The following CDH9 variants were observed in gnomAD, a reference collection of about 807,000 sequenced individuals.
CDH9 encodes cadherin 9.
In CDH9, 28 loss-of-function variants were observed where a neutral mutation model predicts 70.9. The ratio of observed to expected loss-of-function variants is 0.40; its 90% CI spans 0.29 to 0.54. The LOEUF (loss-of-function observed/expected upper bound fraction) is 0.54, where lower values mean the gene tolerates loss of function less well. CDH9 is among the 20% of genes least tolerant of loss of function. The pLI, the probability that CDH9 is intolerant of heterozygous loss-of-function variation, is 0.59. For missense variants in CDH9, 874 were observed against 984.4 expected, an observed-to-expected ratio of 0.89 and a Z score of 1.50; for synonymous variants, 409 against 343.1, an observed-to-expected ratio of 1.19 and a Z score of -2.12.
intron 2 of CDH9, among the ~76,000 whole-genome samples, chr5:26,943,770 A>G (rs1032162941): frequency 1.3e-5 from 2 of 152,226 alleles, no homozygotes; most frequent in East Asian, 1.9e-4. Flanking sequence ...TACTTTCTAA[A>G]ACATATGCCT....
At chr5:26,915,439 T>C (rs1449210348) in intron 3 of CDH9, among the ~76,000 whole-genome samples, 191 bp downstream of exon 3, 1 of 151,988 alleles carries the variant, frequency 6.6e-6, no homozygotes, top group Non-Finnish European at 1.5e-5. Context: ...ATATTTTATA[T>C]AAATTACAAC....
At chr5:26,981,201 A>G (rs1387831788) in intron 2 of CDH9, among the ~76,000 whole-genome samples, 1 of 152,052 alleles carries the variant, frequency 6.6e-6, no homozygotes, top group Non-Finnish European at 1.5e-5. Context: ...ATAATACATA[A>G]TCATCCCTCG....
intron 7 of CDH9, among the ~76,000 whole-genome samples, chr5:26,894,489 C>A (rs1196135953): frequency 1.3e-5 from 2 of 151,996 alleles, no homozygotes; most frequent in Non-Finnish European, 2.9e-5. Context: ...CACTCACAGA[C>A]GATACAGAAA....
intron 2 of CDH9, among the ~76,000 whole-genome samples, chr5:26,917,377 A>G (rs966278197): frequency 7.2e-5 from 11 of 151,952 alleles, no homozygotes; most frequent in African/African-American, 2.7e-4. Context: ...GGTGACTATA[A>G]TAAATAATAA....
chr5:27,009,382 A>G (rs1029233379), intron 1 of CDH9, among the ~76,000 whole-genome samples: 2 of 152,294 alleles, frequency 1.3e-5, no homozygotes, highest in East Asian at 3.9e-4. Context: ...TAGTGTAAAC[A>G]CAATAAATGA....
chr5:26,970,979 T>C (rs1297931025), intron 2 of CDH9, among the ~76,000 whole-genome samples: 1 of 152,168 alleles, frequency 6.6e-6, no homozygotes. Flanking sequence ...GGGAAAAGAA[T>C]GTTAGCAGTA....
At chr5:26,897,891 T>C (rs1047617296) in intron 7 of CDH9, among the ~76,000 whole-genome samples, 1 of 152,160 alleles carries the variant, frequency 6.6e-6, no homozygotes, top group African/African-American at 2.4e-5. Context: ...TTGTGTCTGT[T>C]TGCAGATGAC....
chr5:26,982,160 A>C (rs980305650), intron 2 of CDH9, among the ~76,000 whole-genome samples: 1 of 131,128 alleles, frequency 7.6e-6, no homozygotes, highest in African/African-American at 2.8e-5. Flanking sequence ...ATGAGTGTAT[A>C]TATAAAGGTG....
At chr5:26,989,821 T>C (rs1181253569) in intron 1 of CDH9, among the ~76,000 whole-genome samples, 1 of 152,150 alleles carries the variant, frequency 6.6e-6, no homozygotes, top group East Asian at 1.9e-4. Context: ...CCCTACTGTC[T>C]GTGATATTTT....
chr5:26,963,295 A>G (rs1281320400), intron 2 of CDH9, among the ~76,000 whole-genome samples: 1 of 152,172 alleles, frequency 6.6e-6, no homozygotes, highest in Admixed American at 6.5e-5. Context: ...CAGTGGATCT[A>G]GCTTCTGGCT....
Position 26,915,358 on chromosome 5 carries a change from C to A in CDH9, c.523+272G>T, listed in dbSNP as rs16896371. Among the ~76,000 whole-genome samples the A allele has an allele frequency of 0.21, 31,390 of 151,700 alleles. 3,497 individuals are homozygous for A. The highest frequency in any genetic ancestry group is 0.36 in the South Asian group (1,728 of 4,804). On this transcript the variant is annotated intron_variant, in intron 3 of 11. Coordinates refer to ENST00000231021, the MANE Select transcript of CDH9 (RefSeq NM_016279.4). ...GGCAAAAATACATTCCACTTGACTG[C>A]CATTTGAATGCCAGTTAGTAGAGTT...
chr5:26,921,098 G>C (rs181629016), intron 2 of CDH9, among the ~76,000 whole-genome samples: 105 of 152,222 alleles, frequency 6.9e-4, no homozygotes, highest in Middle Eastern at 6.8e-3. Flanking sequence ...GTTTTTGTTA[G>C]AGTAGGCAGA....
At chr5:26,943,728 G>A (rs1741700914) in intron 2 of CDH9, among the ~76,000 whole-genome samples, 1 of 152,096 alleles carries the variant, frequency 6.6e-6, no homozygotes, top group Non-Finnish European at 1.5e-5. Context: ...GTGATGGCAG[G>A]AAGATAACAG....
At chr5:26,883,058 T>G (rs866234547) in intron 11 of CDH9, among the ~76,000 whole-genome samples, 4,510 of 99,530 alleles carry the variant, frequency 0.045, 364 homozygotes, top group Middle Eastern at 0.081. Context: ...TATATATATA[T>G]ATATATATAT....
chr5:27,015,923 T>G (rs1743039171), intron 1 of CDH9, among the ~76,000 whole-genome samples: 1 of 151,816 alleles, frequency 6.6e-6, no homozygotes, highest in South Asian at 2.1e-4. Flanking sequence ...GTCATCCTAA[T>G]CTAATGAGAC....
chr5:26,979,166 CAA>C (rs1742355482), intron 2 of CDH9, among the ~76,000 whole-genome samples: 1 of 150,578 alleles, frequency 6.6e-6, no homozygotes, highest in African/African-American at 2.5e-5. Context: ...TAAACATTAA[CAA>C]TGCATTATGC....
intron 7 of CDH9, among the ~76,000 whole-genome samples, chr5:26,892,198 G>T (rs1475583914): frequency 6.6e-6 from 1 of 152,176 alleles, no homozygotes. Context: ...AGTTACATCA[G>T]ACCATGTTAT....
intron 2 of CDH9, among the ~76,000 whole-genome samples, chr5:26,980,800 A>G (rs1024715007): frequency 1.3e-5 from 2 of 152,084 alleles, no homozygotes; most frequent in African/African-American, 4.8e-5. Context: ...AACTGAGGCT[A>G]TTAGCAGGTC....
At chr5:26,937,962 C>A (rs186975981) in intron 2 of CDH9, among the ~76,000 whole-genome samples, 1 of 151,802 alleles carries the variant, frequency 6.6e-6, no homozygotes, top group Admixed American at 6.6e-5. Context: ...AAATGAACCC[C>A]GATGGGAACT....
Sources: allele counts gnomAD v4.1 joint callset (sites outside exome capture counted in the v4.1 genomes callset), GRCh38; gene constraint gnomAD v4.1.1; transcripts MANE v1.5; gene names NCBI Gene and HGNC (gene_info 2026-07-23, HGNC 2026-07-21).